Variants in NPIPB6 observed in about 807,000 individuals in gnomAD.
NPIPB6 encodes the protein nuclear pore complex interacting protein family member B6.
A neutral mutation model predicts 20.0 loss-of-function variants in NPIPB6; 2 were observed. The ratio of observed to expected loss-of-function variants is 0.10; its 90% CI spans 0.04 to 0.31. NPIPB6 has a LOEUF of 0.31. Ranked by LOEUF, NPIPB6 falls within the 10% of genes least tolerant of loss-of-function variation. The pLI is 1.00. For synonymous variants in NPIPB6, 35 were observed against 116.3 expected, an observed-to-expected ratio of 0.30 and a Z score of 4.50; for missense variants, 96 against 293.7, an observed-to-expected ratio of 0.33 and a Z score of 4.92.
At chr16:28,355,754 C>G (rs1233222927) in intron 1 of NPIPB6, among the ~76,000 whole-genome samples, 2 of 128,438 alleles carry the variant, frequency 1.6e-5, no homozygotes, top group African/African-American at 5.5e-5. Flanking sequence ...GAGAAACTGT[C>G]TCAAAAAAAT....
intron 4 of NPIPB6, among the ~76,000 whole-genome samples, chr16:28,348,133 C>T (rs1363434363): frequency 2.7e-5 from 3 of 112,230 alleles, no homozygotes; most frequent in African/African-American, 6.2e-5. Flanking sequence ...AAAAATTGGC[C>T]GAATGTGGTG....
At chr16:28,359,031 G>T (rs2937105) in intron 1 of NPIPB6, among the ~76,000 whole-genome samples, 1 of 115,188 alleles carries the variant, frequency 8.7e-6, no homozygotes, top group Non-Finnish European at 1.8e-5. Flanking sequence ...GCAGTGAGCC[G>T]AGATCGTACC....
intron 4 of NPIPB6, among the ~76,000 whole-genome samples, chr16:28,346,391 G>A (rs1253744371): frequency 4.2e-5 from 5 of 117,900 alleles, no homozygotes; most frequent in African/African-American, 1.5e-4. Flanking sequence ...CCAGAATATG[G>A]TGTCATTAAC....
intron 1 of NPIPB6, among the ~76,000 whole-genome samples, chr16:28,358,228 TCA>T (rs1233456593): frequency 9.6e-5 from 10 of 104,180 alleles, no homozygotes; most frequent in Non-Finnish European, 9.6e-5. Flanking sequence ...TTCTGCCTGA[TCA>T]CACAGAGTGT....
At position 28,343,080 on chromosome 16, in the gene NPIPB6, T is replaced by G. The variant is rs750649294; in HGVS notation, c.805A>C (p.Thr269Pro). Reference sequence around the variant, plus strand: ...TTATCAGTTATAGAATGTTGTTGAGTTGGAGGAGGTGGCTGGCGGCCCATC... The same window carrying G: ...TTATCAGTTATAGAATGTTGTTGAGGTGGAGGAGGTGGCTGGCGGCCCATC... Residue 269 changes from threonine to proline, a missense_variant, in exon 7 of 7, where the codon ACT becomes CCT. Physicochemically the swap from Thr to Pro is conservative, Grantham distance 38. Around this residue, in one of 3 missense-constraint regions of NPIPB6, gnomAD observed 81 missense variants for 190.9 expected, o/e 0.42. Transcript: ENST00000532254. 1.2e-4 allele frequency: 173 copies of G among 1,458,122 alleles called. 13 individuals are homozygous for G. Among genetic ancestry groups the G allele is most frequent in the Non-Finnish European group, 1.5e-4 (164 of 1,066,300 alleles). 90.3% of individuals were successfully genotyped at this position (1,458,122 alleles called of 1,614,324 possible).
At position 28,355,922 on chromosome 16, in the gene NPIPB6, A is replaced by G. The variant is rs1467712568; in HGVS notation, c.121-2861T>C. Among the ~76,000 whole-genome samples the G allele has an allele frequency of 3.3e-4, 39 of 118,670 alleles. 2 individuals are homozygous for G. Among genetic ancestry groups the G allele is most frequent in the African/African-American group, 5.8e-4 (20 of 34,390 alleles). The allele number at this position is 118,670 out of a possible 152,430, so 77.9% of individuals were successfully genotyped here. ...CCAGCACTGGGAGGCCGAGGCAGGC[A>G]GATCACGAGGTCAAGAGATGGAGAC... On this transcript the variant is annotated intron_variant, in intron 1 of 6. Transcript: ENST00000532254.
chr16:28,342,530 T>G, downstream of NPIPB6: 3 of 931,184 alleles, frequency 3.2e-6, no homozygotes, highest in South Asian at 5.0e-5. Flanking sequence ...ATTTTTATAT[T>G]ATTTATTTAT....
At position 28,362,845 on chromosome 16, in the gene NPIPB6, C is replaced by T. The variant is rs759707034; in HGVS notation, c.-23G>A. ...CATTTGCAGAATGAGAACAGGGGCTCATCATGAGTGCCAACCTATTAGATA... is the reference window on the plus strand; with the variant it reads ...CATTTGCAGAATGAGAACAGGGGCTTATCATGAGTGCCAACCTATTAGATA... On this transcript the variant is annotated 5_prime_UTR_variant, in exon 1 of 7. The change abolishes an upstream ATG in the 5' untranslated region. Coordinates refer to ENST00000532254, the Ensembl canonical transcript of NPIPB6. 6.6e-7 allele frequency: 1 copy of T among 1,509,280 alleles called. No homozygotes were observed. The highest frequency in any genetic ancestry group is 8.9e-7 in the Non-Finnish European group (1 of 1,124,638). The allele number at this position is 1,509,280 out of a possible 1,614,324, so 93.5% of individuals were successfully genotyped here.
intron 1 of NPIPB6, among the ~76,000 whole-genome samples, chr16:28,358,161 AC>A (rs1201144199): frequency 1.7e-5 from 2 of 119,124 alleles, no homozygotes; most frequent in Non-Finnish European, 3.5e-5. Context: ...ACCAGGACAG[AC>A]CCCCACTGTC....
At chr16:28,362,161 G>T (rs2045457801) in intron 1 of NPIPB6, among the ~76,000 whole-genome samples, 1 of 149,242 alleles carries the variant, frequency 6.7e-6, no homozygotes, top group South Asian at 2.2e-4. Flanking sequence ...GCAATGGCAT[G>T]ATCTCGGCCC....
chr16:28,362,849 A>G lies in NPIPB6; in HGVS notation c.-27T>C, dbSNP rs956491804. 36 of 1,491,002 alleles carry G rather than the reference A, an allele frequency of 2.4e-5. 1 individual carries two copies. Among genetic ancestry groups the G allele is most frequent in the African/African-American group, 4.2e-5 (3 of 72,082 alleles). The allele number at this position is 1,491,002 out of a possible 1,614,324, so 92.4% of individuals were successfully genotyped here. On this transcript the variant is annotated 5_prime_UTR_variant, in exon 1 of 7. It removes an upstream start codon present in the reference 5' UTR. Transcript: ENST00000532254. Reference sequence around the variant, plus strand: ...TGCAGAATGAGAACAGGGGCTCATCATGAGTGCCAACCTATTAGATAATTT... The same window carrying G: ...TGCAGAATGAGAACAGGGGCTCATCGTGAGTGCCAACCTATTAGATAATTT...
At chr16:28,361,742 G>C (rs1186900068) in intron 1 of NPIPB6, among the ~76,000 whole-genome samples, 680 of 69,552 alleles carry the variant, frequency 9.8e-3, no homozygotes, top group Non-Finnish European at 0.018. Context: ...GTGTGTGTGT[G>C]TGTGTGTGTG....
At chr16:28,351,987 A>G (rs1355735786) in intron 2 of NPIPB6, among the ~76,000 whole-genome samples, 1 of 3,254 alleles carries the variant, frequency 3.1e-4, no homozygotes, top group African/African-American at 6.3e-4. Flanking sequence ...CCCAAAGGAA[A>G]AAAGGCTCAA....
chr16:28,350,249 A>T (rs1220020477), intron 2 of NPIPB6, among the ~76,000 whole-genome samples: 1 of 102,912 alleles, frequency 9.7e-6, no homozygotes, highest in Non-Finnish European at 2.1e-5. Context: ...TGAACTGTAC[A>T]CTTCAACACG....
At chr16:28,355,718 A>G (rs2045303059) in intron 1 of NPIPB6, among the ~76,000 whole-genome samples, 1 of 130,140 alleles carries the variant, frequency 7.7e-6, no homozygotes, top group South Asian at 2.4e-4. Context: ...ATATTGCCCC[A>G]TTGCACTCCA....
chr16:28,349,917 G>C lies in NPIPB6; in HGVS notation c.304-676C>G, dbSNP rs1425409846. 4.2e-5 allele frequency among the ~76,000 whole-genome samples: 4 copies of C among 95,960 alleles called. 1 individual carries two copies. The highest frequency in any genetic ancestry group is 9.2e-5 in the Non-Finnish European group (4 of 43,676). The allele number at this position is 95,960 out of a possible 152,430, so 63.0% of individuals were successfully genotyped here. A position where few individuals can be genotyped will look rare whatever the true frequency, so the allele number is the denominator to read the frequency against. On this transcript the variant is annotated intron_variant, in intron 2 of 6. Coordinates refer to ENST00000532254, the Ensembl canonical transcript of NPIPB6. ...AAAAAAAAAAAAAAAAAAAAAAAGA[G>C]CCCAGGTGCGGTAGCTCACGCCTGT...
intron 2 of NPIPB6, among the ~76,000 whole-genome samples, chr16:28,349,745 A>G (rs2045182088): frequency 1.8e-5 from 2 of 111,924 alleles, no homozygotes; most frequent in African/African-American, 6.1e-5. Context: ...AAAATTAACC[A>G]GGCATGGTGG....
chr16:28,349,889 CAAAAAA>C (rs1178858068), intron 2 of NPIPB6, among the ~76,000 whole-genome samples: 14 of 16,870 alleles, frequency 8.3e-4, no homozygotes, highest in African/African-American at 2.3e-3. Flanking sequence ...AACTCTGTCT[CAAAAAA>C]AAAAAAAAAA....
intron 1 of NPIPB6, among the ~76,000 whole-genome samples, chr16:28,355,889 C>T (rs2045308662): frequency 8.3e-6 from 1 of 120,838 alleles, no homozygotes; most frequent in African/African-American, 2.9e-5. Flanking sequence ...TGGCTCACGC[C>T]TGTAATCCCA....
Sources: gnomAD v4.1 joint callset for allele counts (sites outside exome capture counted in the v4.1 genomes callset) on GRCh38, gnomAD v4.1.1 for gene constraint, gnomAD v4.1.1 regional missense constraint, MANE v1.5 for transcripts, NCBI Gene and HGNC (gene_info 2026-07-23, HGNC 2026-07-21) for gene names.